PRKG1: variants seen among roughly 807,000 people sequenced by gnomAD.
The protein encoded by PRKG1 is protein kinase cGMP-dependent 1.
PRKG1 carries 35 observed loss-of-function variants against 88.1 expected under a neutral mutation model. That is an observed-to-expected ratio of 0.40 (90% CI 0.30 to 0.53). The LOEUF (loss-of-function observed/expected upper bound fraction) is 0.53, where lower values mean the gene tolerates loss of function less well. Ranked by LOEUF, PRKG1 falls within the 20% of genes least tolerant of loss-of-function variation. The probability of loss-of-function intolerance (pLI) is 0.59; values close to 1 mark genes in which losing one functional copy is unlikely to be tolerated. For synonymous variants in PRKG1, 303 were observed against 292.5 expected (o/e 1.04, Z -0.37); for missense variants, 540 against 839.8 (o/e 0.64, Z 4.41).
chr10:51,744,925 G>A (rs1249263057), intron 3 of PRKG1, among the ~76,000 whole-genome samples: 2 of 152,188 alleles, frequency 1.3e-5, no homozygotes, highest in East Asian at 3.9e-4. Flanking sequence ...GTCCAGCTAA[G>A]AGATTTTGAA....
intron 4 of PRKG1, among the ~76,000 whole-genome samples, chr10:51,806,994 C>T (rs568302284): frequency 2.0e-5 from 3 of 152,294 alleles, no homozygotes; most frequent in South Asian, 2.1e-4. Flanking sequence ...TGAGAAGTCA[C>T]GTCTTTCCTC....
intron 4 of PRKG1, among the ~76,000 whole-genome samples, chr10:51,840,763 C>G (rs1000323672): frequency 7.9e-5 from 12 of 152,032 alleles, no homozygotes; most frequent in African/African-American, 2.9e-4. Flanking sequence ...CCAGGCTGGT[C>G]TCGGACTCCA....
At chr10:51,872,382 G>A (rs1179647942) in intron 4 of PRKG1, among the ~76,000 whole-genome samples, 1 of 152,156 alleles carries the variant, frequency 6.6e-6, no homozygotes, top group East Asian at 1.9e-4. Flanking sequence ...TGGCATATAG[G>A]AAATATTAAA....
chr10:51,977,060 A>G (rs930896203), intron 5 of PRKG1, among the ~76,000 whole-genome samples: 1 of 151,904 alleles, frequency 6.6e-6, no homozygotes, highest in Non-Finnish European at 1.5e-5. Context: ...AGATTATTTT[A>G]TCACCCACAT....
rs188296841 is a variant in PRKG1, at chr10:51,268,398, C to T, written c.478+115068C>T. On this transcript the variant is annotated intron_variant, in intron 2 of 17. Coordinates refer to ENST00000373980, the MANE Select transcript of PRKG1 (RefSeq NM_006258.4). Reference sequence around the variant, plus strand: ...GAGACTGGGGCTTATTTCATCCCTACAGCTGCAACCATAAAAGACGGCTGC... The same window carrying T: ...GAGACTGGGGCTTATTTCATCCCTATAGCTGCAACCATAAAAGACGGCTGC... Among the ~76,000 whole-genome samples, 151 of 152,232 alleles carry T rather than the reference C, an allele frequency of 9.9e-4. No homozygotes were observed. The Middle Eastern group carries it at 0.01, about 10-fold the overall frequency.
At chr10:52,070,695 T>C (rs1846475048) in intron 7 of PRKG1, among the ~76,000 whole-genome samples, 1 of 152,220 alleles carries the variant, frequency 6.6e-6, no homozygotes, top group Admixed American at 6.5e-5. Context: ...CGGTGCTACA[T>C]TTTTAATAGA....
chr10:51,019,708 C>G (rs1207587382), intron 1 of PRKG1, among the ~76,000 whole-genome samples: 2 of 151,216 alleles, frequency 1.3e-5, no homozygotes, highest in Non-Finnish European at 2.9e-5. Flanking sequence ...TAAAAAAACC[C>G]CACAGAATGG....
At chr10:51,549,124 T>TTTTTTTTTTTTTTTTTTTTTTTTG (rs1842518030) in intron 3 of PRKG1, among the ~76,000 whole-genome samples, 1 of 111,520 alleles carries the variant, frequency 9.0e-6, no homozygotes, top group Non-Finnish European at 1.8e-5. Context: ...TCTTTTCTTT[T>TTTTTTTTTTTTTTTTTTTTTTTTG]TTTTTTTTTT....
At chr10:51,589,250 A>T (rs887310248) in intron 3 of PRKG1, among the ~76,000 whole-genome samples, 1 of 152,146 alleles carries the variant, frequency 6.6e-6, no homozygotes, top group Non-Finnish European at 1.5e-5. Flanking sequence ...AGGGGGAAAA[A>T]CCTGCCATGT....
intron 3 of PRKG1, among the ~76,000 whole-genome samples, chr10:51,779,962 C>G (rs1177123179): frequency 6.6e-6 from 1 of 152,098 alleles, no homozygotes; most frequent in Non-Finnish European, 1.5e-5. Flanking sequence ...ATCCAAGATT[C>G]TGATTGGCAG....
intron 5 of PRKG1, among the ~76,000 whole-genome samples, chr10:51,981,917 G>A (rs981878286): frequency 1.3e-5 from 2 of 152,136 alleles, no homozygotes; most frequent in African/African-American, 4.8e-5. Flanking sequence ...TTTCCAAGTT[G>A]CTTACACTCT....
chr10:52,164,337 G>A (rs1429809914), intron 9 of PRKG1, among the ~76,000 whole-genome samples: 3 of 150,644 alleles, frequency 2.0e-5, no homozygotes, highest in Admixed American at 6.6e-5. Flanking sequence ...GGCGACCAGA[G>A]CAAAACTCTG....
At chr10:51,810,929 A>G (rs868366827) in intron 4 of PRKG1, among the ~76,000 whole-genome samples, 2 of 152,298 alleles carry the variant, frequency 1.3e-5, no homozygotes, top group Middle Eastern at 3.4e-3. Context: ...ATAATGATGC[A>G]TCATCACCTC....
Position 52,119,898 on chromosome 10 carries a change from TGAG to T in PRKG1, c.936-13941_936-13939del, listed in dbSNP as rs1442300971. ...GTGGAAAGGGAAGAGAGCACAGGCATGAGAGAGAGACAGAGAAAGAGAGGGAAA... is the reference window on the plus strand; with the variant it reads ...GTGGAAAGGGAAGAGAGCACAGGCATAGAGAGACAGAGAAAGAGAGGGAAA... On this transcript the variant is annotated intron_variant, in intron 7 of 17. Coordinates refer to ENST00000373980, the MANE Select transcript of PRKG1 (RefSeq NM_006258.4). Among the ~76,000 whole-genome samples the T allele has an allele frequency of 2.0e-5, 3 of 151,372 alleles. No homozygotes were observed. The East Asian group carries it at 5.8e-4, about 29-fold the overall frequency.
At chr10:52,117,627 A>G (rs1403082844) in intron 7 of PRKG1, among the ~76,000 whole-genome samples, 2 of 152,112 alleles carry the variant, frequency 1.3e-5, no homozygotes, top group Non-Finnish European at 2.9e-5. Context: ...TATTTTGTAT[A>G]TCTTTTATTA....
intron 5 of PRKG1, among the ~76,000 whole-genome samples, chr10:51,936,095 CT>C (rs999376453): frequency 1.3e-5 from 2 of 151,864 alleles, no homozygotes; most frequent in African/African-American, 4.8e-5. Context: ...GTTTCCCTCC[CT>C]TTTTAAATTT....
intron 5 of PRKG1, among the ~76,000 whole-genome samples, chr10:51,955,537 T>C (rs190721522): frequency 6.6e-6 from 1 of 152,202 alleles, no homozygotes; most frequent in Non-Finnish European, 1.5e-5. Context: ...TTCAGCATAT[T>C]AAGTAGCACT....
At chr10:51,246,025 G>A (rs1328623555) in intron 2 of PRKG1, among the ~76,000 whole-genome samples, 4 of 152,002 alleles carry the variant, frequency 2.6e-5, no homozygotes, top group Non-Finnish European at 4.4e-5. Flanking sequence ...CAGTACATTG[G>A]TATCAGACTC....
At chr10:51,992,306 C>G (rs191137237) in intron 5 of PRKG1, among the ~76,000 whole-genome samples, 75 of 152,188 alleles carry the variant, frequency 4.9e-4, no homozygotes, top group Non-Finnish European at 1.5e-4. Flanking sequence ...ATTTCATGGT[C>G]TCCTCTTCTT....
Sources: gnomAD v4.1 joint callset for allele counts (sites outside exome capture counted in the v4.1 genomes callset) on GRCh38, gnomAD v4.1.1 for gene constraint, MANE v1.5 for transcripts, NCBI Gene and HGNC (gene_info 2026-07-23, HGNC 2026-07-21) for gene names.